TRPS1: variants seen among roughly 807,000 people sequenced by gnomAD.
TRPS1 encodes zinc finger transcription factor Trps1.
In TRPS1, 6 loss-of-function variants were observed where a neutral mutation model predicts 101.2. The observed-to-expected ratio is 0.06, with a 90% CI of 0.03 to 0.12. TRPS1 has a LOEUF of 0.12. Ranked by LOEUF, TRPS1 falls within the 10% of genes least tolerant of loss-of-function variation. TRPS1 has a pLI of 1.00. For synonymous variants in TRPS1, 578 were observed against 589.8 expected (o/e 0.98, Z 0.29); for missense variants, 1,363 against 1,567.0 (o/e 0.87, Z 2.20).
Position 115,634,026 on chromosome 8 carries a change from A to C in TRPS1, c.-121-10268T>G, listed in dbSNP as rs189966172. On this transcript the variant is annotated intron_variant, in intron 1 of 6. Transcript: ENST00000395715. ...TAACCAAAACAAACAACAACAACAA[A>C]AAAAAAGGCAGCCCACAAATGTGCT... Among the ~76,000 whole-genome samples, 91 of 115,456 alleles carry C rather than the reference A, an allele frequency of 7.9e-4. 1 individual carries two copies. The highest frequency in any genetic ancestry group is 6.0e-3 in the East Asian group (31 of 5,190). The allele number at this position is 115,456 out of a possible 152,430, so 75.7% of individuals were successfully genotyped here. A position where few individuals can be genotyped will look rare whatever the true frequency, so the allele number is the denominator to read the frequency against.
At chr8:115,443,377 C>T (rs1360566958) in intron 5 of TRPS1, among the ~76,000 whole-genome samples, 1 of 152,200 alleles carries the variant, frequency 6.6e-6, no homozygotes, top group African/African-American at 2.4e-5. Context: ...CATGGCAAGA[C>T]ATAGCTGAGG....
At chr8:115,445,381 C>G (rs1813707228) in intron 5 of TRPS1, among the ~76,000 whole-genome samples, 1 of 152,190 alleles carries the variant, frequency 6.6e-6, no homozygotes, top group Non-Finnish European at 1.5e-5. Context: ...TTATCATTTT[C>G]TGCAACATCC....
intron 5 of TRPS1, among the ~76,000 whole-genome samples, chr8:115,462,953 A>T (rs983697139): frequency 6.6e-6 from 1 of 152,176 alleles, no homozygotes; most frequent in African/African-American, 2.4e-5. Context: ...CAAATACAGG[A>T]TCCTTCTTTG....
intron 5 of TRPS1, among the ~76,000 whole-genome samples, chr8:115,566,105 A>G (rs1817061566): frequency 6.6e-6 from 1 of 152,158 alleles, no homozygotes; most frequent in South Asian, 2.1e-4. Context: ...CATCTTTGAT[A>G]CTAATGTGCA....
intron 5 of TRPS1, among the ~76,000 whole-genome samples, chr8:115,531,732 G>C (rs1385976359): frequency 1.3e-5 from 2 of 151,928 alleles, no homozygotes; most frequent in Non-Finnish European, 2.9e-5. Context: ...GCTGAGAAGG[G>C]TTAAAAAAAA....
chr8:115,534,716 A>G (rs913516582), intron 5 of TRPS1, among the ~76,000 whole-genome samples: 1 of 152,186 alleles, frequency 6.6e-6, no homozygotes. Flanking sequence ...AACAACAGTG[A>G]TATTCAGAGA....
chr8:115,535,781 CAT>C (rs371245255), intron 5 of TRPS1, among the ~76,000 whole-genome samples: 8 of 149,252 alleles, frequency 5.4e-5, no homozygotes, highest in Non-Finnish European at 7.4e-5. Flanking sequence ...ATGAGACTGT[CAT>C]ATATATATAT....
chr8:115,433,090 T>C (rs1017149132), intron 5 of TRPS1, among the ~76,000 whole-genome samples: 2 of 151,812 alleles, frequency 1.3e-5, no homozygotes, highest in African/African-American at 2.4e-5. Context: ...TAGAAAGAAT[T>C]TGAAAATATC....
chr8:115,542,175 G>A (rs981396006), intron 5 of TRPS1, among the ~76,000 whole-genome samples: 4 of 152,090 alleles, frequency 2.6e-5, no homozygotes, highest in Non-Finnish European at 4.4e-5. Context: ...TCAAATGAGC[G>A]CCTTGATTTT....
chr8:115,587,138 T>A lies in TRPS1; in HGVS notation c.2563A>T (p.Ile855Phe), dbSNP rs373433625. The A allele has an allele frequency of 2.5e-6, 4 of 1,614,008 alleles. No individual in the cohort carries two copies. The African/African-American group carries it at 4.0e-5, about 16-fold the overall frequency. ...TTGGTTTCCACAGCCAAGCCATAAA[T>A]AGGTCGCGCCAGATGGGCGGCCTCC... ...NVEAAHLARP[I>F]YGLAVETKGF... Residue 855 changes from isoleucine to phenylalanine, a missense_variant, in exon 5 of 7, where the codon ATT (isoleucine) becomes TTT (phenylalanine). Ile to Phe is a conservative substitution (Grantham distance 21, BLOSUM62 0). This residue lies in a region of TRPS1 where 1,020 missense variants were observed against 1,073.0 expected (regional missense o/e 0.95). Coordinates refer to ENST00000395715, the MANE Select transcript of TRPS1 (RefSeq NM_014112.5).
intron 5 of TRPS1, among the ~76,000 whole-genome samples, chr8:115,514,746 T>C (rs800874): frequency 0.99 from 150,018 of 151,510 alleles, 74,276 homozygotes; most frequent in Middle Eastern, 1. Context: ...AATACTTCAA[T>C]CGTTCAAATA....
intron 5 of TRPS1, among the ~76,000 whole-genome samples, chr8:115,443,499 C>T (rs760771234): frequency 2.6e-5 from 4 of 152,116 alleles, no homozygotes; most frequent in Non-Finnish European, 5.9e-5. Flanking sequence ...CTAAAATAAC[C>T]TTCAAGTCCT....
intron 5 of TRPS1, among the ~76,000 whole-genome samples, chr8:115,482,449 A>G (rs901641019): frequency 1.3e-5 from 2 of 152,184 alleles, no homozygotes; most frequent in Non-Finnish European, 2.9e-5. Flanking sequence ...TTCAATTACT[A>G]CGAATATCTA....
chr8:115,457,938 C>A (rs556012672), intron 5 of TRPS1, among the ~76,000 whole-genome samples: 9 of 152,134 alleles, frequency 5.9e-5, no homozygotes, highest in African/African-American at 2.2e-4. Context: ...TAGACATCTG[C>A]AGGAAGTGTG....
chr8:115,496,548 C>G lies in TRPS1; in HGVS notation c.2701-78096G>C, dbSNP rs1374122483. ...CGAGTTTGTCTATTTAAAAAAGATG[C>G]AAGTACTTTGTTTTTTCATTCTGAA... On this transcript the variant is annotated intron_variant, in intron 5 of 6. Coordinates refer to ENST00000395715, the MANE Select transcript of TRPS1 (RefSeq NM_014112.5). Among the ~76,000 whole-genome samples, 4 of 152,018 alleles carry G rather than the reference C, an allele frequency of 2.6e-5. No individual in the cohort carries two copies. In the East Asian group the frequency reaches 7.7e-4, roughly 29 times the overall value.
At chr8:115,456,164 ATAAT>A (rs1199726266) in intron 5 of TRPS1, among the ~76,000 whole-genome samples, 3 of 152,172 alleles carry the variant, frequency 2.0e-5, no homozygotes, top group African/African-American at 7.2e-5. Context: ...ATTTTTATAA[ATAAT>A]TGCAGTTTTT....
At chr8:115,605,685 A>G (rs1341314031) in intron 3 of TRPS1, among the ~76,000 whole-genome samples, 6 of 152,174 alleles carry the variant, frequency 3.9e-5, no homozygotes, top group Non-Finnish European at 7.3e-5. Context: ...AAAAAGAAAA[A>G]TCTTCCATGC....
At chr8:115,502,726 C>G (rs969329064) in intron 5 of TRPS1, among the ~76,000 whole-genome samples, 1 of 152,076 alleles carries the variant, frequency 6.6e-6, no homozygotes, top group Admixed American at 6.5e-5. Context: ...ATTCATCATG[C>G]TTAGACTATT....
chr8:115,507,522 A>T (rs1247401957), intron 5 of TRPS1, among the ~76,000 whole-genome samples: 1 of 151,548 alleles, frequency 6.6e-6, no homozygotes, highest in Non-Finnish European at 1.5e-5. Flanking sequence ...GTTCATTTAC[A>T]GAGAAGCACA....
Sources: allele counts gnomAD v4.1 joint callset (sites outside exome capture counted in the v4.1 genomes callset), GRCh38; gene constraint gnomAD v4.1.1; regional missense constraint gnomAD v4.1.1; transcripts MANE v1.5; gene names NCBI Gene and HGNC (gene_info 2026-07-23, HGNC 2026-07-21).